The following GLRB variants were observed in gnomAD, a reference collection of about 807,000 sequenced individuals.
GLRB encodes the protein glycine receptor subunit beta.
A neutral mutation model predicts 54.2 loss-of-function variants in GLRB; 33 were observed. The observed-to-expected ratio is 0.61, with a 90% CI of 0.46 to 0.81. GLRB has a LOEUF of 0.81. GLRB is among the 40% of genes least tolerant of loss of function. GLRB has a pLI of 0.00. For missense variants in GLRB, 572 were observed against 584.6 expected, an observed-to-expected ratio of 0.98 and a Z score of 0.22; for synonymous variants, 209 against 208.2, an observed-to-expected ratio of 1.00 and a Z score of -0.03.
chr4:157,111,729 G>A (rs114575561), intron 2 of GLRB, among the ~76,000 whole-genome samples: 1 of 151,884 alleles, frequency 6.6e-6, no homozygotes, highest in Non-Finnish European at 1.5e-5. Flanking sequence ...ATCACTCTTA[G>A]GGAAACAGAC....
chr4:157,143,706 G>A, intron 7 of GLRB, 101 bp from the exon 8 acceptor site: 1 of 1,147,726 alleles, frequency 8.7e-7, no homozygotes, highest in Non-Finnish European at 1.3e-6. Context: ...CTGTGAAATT[G>A]CCTCAGATGG....
chr4:157,078,929 C>A (rs1336808460), intron 2 of GLRB, among the ~76,000 whole-genome samples: 5 of 152,122 alleles, frequency 3.3e-5, no homozygotes, highest in Admixed American at 3.3e-4. Context: ...CCCACCACCA[C>A]GCCCAGCTAA....
At chr4:157,108,919 A>G (rs1735319563) in intron 2 of GLRB, among the ~76,000 whole-genome samples, 1 of 152,114 alleles carries the variant, frequency 6.6e-6, no homozygotes, top group Admixed American at 6.6e-5. Context: ...CACTTTGATC[A>G]GTCAGCAGTC....
At chr4:157,140,473 G>T (rs1423912791) in intron 7 of GLRB, among the ~76,000 whole-genome samples, 2 of 151,930 alleles carry the variant, frequency 1.3e-5, no homozygotes, top group Non-Finnish European at 2.9e-5. Flanking sequence ...AGTTCTTAGA[G>T]ATTTTTGAGA....
intron 4 of GLRB, among the ~76,000 whole-genome samples, chr4:157,131,363 T>A (rs1040078186): frequency 2.6e-5 from 4 of 151,762 alleles, no homozygotes; most frequent in African/African-American, 9.7e-5. Context: ...TTGACAAAAA[T>A]GTCACTTAGT....
At position 157,171,779 on chromosome 4, in the gene GLRB, CTTTG is replaced by C. The variant is rs1432446069; in HGVS notation, c.*1057_*1060del. On this transcript the variant is annotated 3_prime_UTR_variant, in exon 10 of 10. Transcript: ENST00000264428. The stretch of plus-strand genomic sequence containing the variant: ...TATTTAGAGATTAAATAAATAATAG[CTTTG>C]TTTGTGTTAGACTTCACTTCTACTT... The C allele has an allele frequency of 6.6e-6, 1 of 151,526 alleles. No individual in the cohort carries two copies. The highest frequency in any genetic ancestry group is 1.9e-4 in the East Asian group (1 of 5,170). The allele number at this position is 151,526 out of a possible 1,614,324, so 9.4% of individuals were successfully genotyped here.
intron 2 of GLRB, among the ~76,000 whole-genome samples, chr4:157,105,655 A>G (rs1735195741): frequency 6.6e-6 from 1 of 152,026 alleles, no homozygotes; most frequent in Non-Finnish European, 1.5e-5. Context: ...TATTACTCTT[A>G]TCAGTTCTAT....
Position 157,153,010 on chromosome 4 carries a change from G to A in GLRB, c.1197G>A (p.Gln399=), listed in dbSNP as rs749498795. The change falls in exon 9 of 10, where the codon CAG becomes CAA. Residue 399 remains glutamine, a splice_region_variant and synonymous_variant. Transcript: ENST00000264428. The stretch of plus-strand genomic sequence containing the variant: ...CTCCTGTTCATATTAGCACTTTGCA[G>A]GTAAGGATAAAATTATGCCATGAAA... ...TGTPVHISTL[Q]VGETRCKKVC... is the part of the protein sequence containing the mutation. 1.2e-6 allele frequency: 2 copies of A among 1,611,390 alleles called. No individual in the cohort carries two copies. Among genetic ancestry groups the A allele is most frequent in the African/African-American group, 1.3e-5 (1 of 74,854 alleles).
chr4:157,129,580 T>C (rs1340711574), intron 4 of GLRB, among the ~76,000 whole-genome samples: 1 of 151,782 alleles, frequency 6.6e-6, no homozygotes, highest in East Asian at 1.9e-4. Context: ...GCCTCATAAC[T>C]AATAGAAAAG....
chr4:157,153,798 C>G (rs1338794850), intron 9 of GLRB, among the ~76,000 whole-genome samples: 1 of 152,098 alleles, frequency 6.6e-6, no homozygotes, highest in Non-Finnish European at 1.5e-5. Flanking sequence ...CAGTAAATTC[C>G]ACAGAAGACC....
chr4:157,089,832 C>T (rs1441723740), intron 2 of GLRB, among the ~76,000 whole-genome samples: 1 of 152,164 alleles, frequency 6.6e-6, no homozygotes, highest in Non-Finnish European at 1.5e-5. Context: ...ACATACCCAA[C>T]ATATTAAACT....
At chr4:157,152,455 A>G (rs547487616) in intron 8 of GLRB, among the ~76,000 whole-genome samples, 1 of 152,210 alleles carries the variant, frequency 6.6e-6, no homozygotes, top group Non-Finnish European at 1.5e-5. Context: ...AACAGGTCCA[A>G]ATTATATTTT....
rs530920496 is a variant in GLRB, at chr4:157,160,716, T to C, written c.1197+7706T>C. On this transcript the variant is annotated intron_variant, in intron 9 of 9. Transcript: ENST00000264428. ...GAGAGACAGTTTGTTATAATTTCTGTTCTTTTACATTTGCTGAGGAGTGCT... is the reference window on the plus strand; with the variant it reads ...GAGAGACAGTTTGTTATAATTTCTGCTCTTTTACATTTGCTGAGGAGTGCT... Among the ~76,000 whole-genome samples, 369 of 152,214 alleles carry C rather than the reference T, an allele frequency of 2.4e-3. 1 individual carries two copies. The highest frequency in any genetic ancestry group is 8.7e-3 in the African/African-American group (360 of 41,510).
At chr4:157,143,284 A>T (rs1490201404) in intron 7 of GLRB, among the ~76,000 whole-genome samples, 1 of 152,050 alleles carries the variant, frequency 6.6e-6, no homozygotes, top group Non-Finnish European at 1.5e-5. Context: ...GTTTACTTCC[A>T]ATACTTTCTT....
At chr4:157,111,673 A>AG (rs1735423767) in intron 2 of GLRB, among the ~76,000 whole-genome samples, 1 of 151,962 alleles carries the variant, frequency 6.6e-6, no homozygotes, top group Non-Finnish European at 1.5e-5. Flanking sequence ...TATGTCCTTG[A>AG]GGGGGAGTAA....
At chr4:157,151,083 A>T (rs1403545430) in intron 8 of GLRB, among the ~76,000 whole-genome samples, 1 of 152,130 alleles carries the variant, frequency 6.6e-6, no homozygotes, top group Non-Finnish European at 1.5e-5. Context: ...TAAAGTTTCT[A>T]ATCTATCAGG....
intron 9 of GLRB, among the ~76,000 whole-genome samples, chr4:157,160,494 C>G (rs1386304468): frequency 1.3e-5 from 2 of 152,056 alleles, no homozygotes; most frequent in African/African-American, 4.8e-5. Context: ...CCTCTACACA[C>G]TGCTTTAAAT....
At chr4:157,155,767 G>A (rs1737203502) in intron 9 of GLRB, among the ~76,000 whole-genome samples, 1 of 152,176 alleles carries the variant, frequency 6.6e-6, no homozygotes, top group African/African-American at 2.4e-5. Flanking sequence ...ATGTCTCTGT[G>A]TGGATTTCTT....
chr4:157,133,982 A>G (rs1469015603), intron 4 of GLRB, among the ~76,000 whole-genome samples: 1 of 152,040 alleles, frequency 6.6e-6, no homozygotes, highest in Non-Finnish European at 1.5e-5. Context: ...TAGGTAGAAC[A>G]TGGAATTATG....
Sources: allele counts gnomAD v4.1 joint callset (sites outside exome capture counted in the v4.1 genomes callset), GRCh38; gene constraint gnomAD v4.1.1; transcripts MANE v1.5; gene names NCBI Gene and HGNC (gene_info 2026-07-23, HGNC 2026-07-21).